The following PVT1 variants were observed in gnomAD, a reference collection of about 807,000 sequenced individuals.
PVT1 encodes the protein CXCR4/PVT1 fusion.
intron 2 of PVT1, among the ~76,000 whole-genome samples, chr8:127,807,418 C>G (rs1351734322): frequency 6.6e-6 from 1 of 152,190 alleles, no homozygotes; most frequent in Non-Finnish European, 1.5e-5. Context: ...ACTGCAGCCT[C>G]TACTTTCCAG....
chr8:127,860,589 C>T (rs1358047961), intron 2 of PVT1, among the ~76,000 whole-genome samples: 1 of 151,792 alleles, frequency 6.6e-6, no homozygotes, highest in Non-Finnish European at 1.5e-5. Context: ...ATGGTGAAAC[C>T]CCGTCTCTAC....
At chr8:127,929,716 C>T (rs1008787555) in intron 3 of PVT1, among the ~76,000 whole-genome samples, 9 of 151,558 alleles carry the variant, frequency 5.9e-5, no homozygotes, top group African/African-American at 9.7e-5. Context: ...TGCAGTGAGC[C>T]GAGATCGCAC....
intron 4 of PVT1, among the ~76,000 whole-genome samples, chr8:128,067,157 T>C (rs1054459647): frequency 6.6e-6 from 1 of 152,216 alleles, no homozygotes; most frequent in Non-Finnish European, 1.5e-5. Context: ...CATTGCTGCA[T>C]GGTTATCTAA....
At chr8:127,909,330 C>G (rs1032207767) in intron 3 of PVT1, among the ~76,000 whole-genome samples, 4 of 152,148 alleles carry the variant, frequency 2.6e-5, no homozygotes, top group African/African-American at 9.7e-5. Flanking sequence ...CTCTCTCTCC[C>G]CAAATCAGGT....
chr8:127,959,557 C>T (rs1428766465), intron 3 of PVT1, among the ~76,000 whole-genome samples: 1 of 147,434 alleles, frequency 6.8e-6, no homozygotes, highest in Admixed American at 6.9e-5. Flanking sequence ...TCTACTCCAG[C>T]CTGGCAACAG....
chr8:128,078,913 G>A (rs562769361), intron 5 of PVT1, among the ~76,000 whole-genome samples: 126 of 151,958 alleles, frequency 8.3e-4, no homozygotes, highest in African/African-American at 2.8e-3. Context: ...AGCACCCCCC[G>A]AGTAGCTGGG....
At chr8:127,906,008 G>T (rs1361724937) in intron 3 of PVT1, among the ~76,000 whole-genome samples, 1 of 152,174 alleles carries the variant, frequency 6.6e-6, no homozygotes, top group Admixed American at 6.5e-5. Context: ...GATACATTTT[G>T]CACAAACCCC....
At position 127,938,061 on chromosome 8, in the gene PVT1, G is replaced by T. The variant is rs1816300854; in HGVS notation, n.782+47063G>T. On this transcript the variant is annotated intron_variant and non_coding_transcript_variant, in intron 3 of 10. Transcript: ENST00000651587. ...AGCGGAAGCCAGCTGGGAATCACTG[G>T]CCTTGTAACCTCTTCAGGCGACCTC... is the stretch of plus-strand genomic sequence containing the variant. 2.6e-5 allele frequency among the ~76,000 whole-genome samples: 4 copies of T among 152,088 alleles called. No homozygotes were observed. In the South Asian group the frequency reaches 8.3e-4, roughly 32 times the overall value.
chr8:127,883,125 G>A (rs1815488256), intron 2 of PVT1, among the ~76,000 whole-genome samples: 1 of 151,872 alleles, frequency 6.6e-6, no homozygotes, highest in Non-Finnish European at 1.5e-5. Context: ...GACAGAGAGA[G>A]AGAGAGGAAG....
At chr8:127,905,962 G>C (rs879539914) in intron 3 of PVT1, among the ~76,000 whole-genome samples, 2 of 152,198 alleles carry the variant, frequency 1.3e-5, no homozygotes, top group East Asian at 1.9e-4. Flanking sequence ...GGCTATACTA[G>C]TTGCTCTGTG....
chr8:127,896,725 C>T (rs1014739292), intron 3 of PVT1, among the ~76,000 whole-genome samples: 16 of 151,682 alleles, frequency 1.1e-4, no homozygotes, highest in Non-Finnish European at 1.6e-4. Flanking sequence ...ACCCCATCAC[C>T]TAGATATTAA....
intron 3 of PVT1, among the ~76,000 whole-genome samples, chr8:127,949,399 G>GTGTGTGTGTGTA (rs1816467969): frequency 6.6e-6 from 1 of 151,092 alleles, no homozygotes; most frequent in South Asian, 2.1e-4. Context: ...GTGTGTGTGT[G>GTGTGTGTGTGTA]TGTGTGTGTG....
chr8:128,053,310 G>T lies in PVT1; in HGVS notation n.913-16850G>T, dbSNP rs1054632068. ...TAATGGTGGAAAAAATGAGAGTATA[G>T]ATTATAGTGGGTGCTCAGACAGTGT... is the stretch of plus-strand genomic sequence containing the variant. On this transcript the variant is annotated intron_variant and non_coding_transcript_variant, in intron 4 of 10. Coordinates refer to ENST00000651587, the Ensembl canonical transcript of PVT1. 3.3e-5 allele frequency among the ~76,000 whole-genome samples: 5 copies of T among 151,814 alleles called. No homozygotes were observed. In the East Asian group the frequency reaches 5.8e-4, roughly 18 times the overall value.
rs551089314 is a variant in PVT1 at position 127,821,871 on chromosome 8, G to A, written n.372+25800G>A. Among the ~76,000 whole-genome samples, 189 of 152,224 alleles carry A rather than the reference G, an allele frequency of 1.2e-3. 1 individual carries two copies. Among genetic ancestry groups the A allele is most frequent in the African/African-American group, 4.4e-3 (182 of 41,530 alleles). The stretch of plus-strand genomic sequence containing the variant: ...GTAGTTTGCATTATATTTCCACTGG[G>A]CAGTGCTATGCTAAACTGTGACACA... On this transcript the variant is annotated intron_variant and non_coding_transcript_variant, in intron 2 of 10. Coordinates refer to ENST00000651587, the Ensembl canonical transcript of PVT1.
chr8:127,806,369 G>A (rs1814527096), intron 2 of PVT1, among the ~76,000 whole-genome samples: 1 of 152,072 alleles, frequency 6.6e-6, no homozygotes, highest in Admixed American at 6.6e-5. Flanking sequence ...GCTGAGGCAG[G>A]AGAATCGCTT....
chr8:128,099,214 G>A (rs996520850), intron 6 of PVT1, among the ~76,000 whole-genome samples: 2 of 152,222 alleles, frequency 1.3e-5, no homozygotes, highest in African/African-American at 4.8e-5. Context: ...ATCCCTAGCC[G>A]ATATGGAATT....
chr8:127,804,999 C>T (rs968457179), intron 2 of PVT1, among the ~76,000 whole-genome samples: 8 of 147,792 alleles, frequency 5.4e-5, no homozygotes, highest in South Asian at 2.1e-4. Context: ...GGCGCGATCT[C>T]GGCTCACTGC....
chr8:128,088,336 A>C (rs1292599491), intron 5 of PVT1, among the ~76,000 whole-genome samples: 2 of 152,142 alleles, frequency 1.3e-5, no homozygotes, highest in Non-Finnish European at 2.9e-5. Flanking sequence ...CAGACTTGCC[A>C]GTGAAAGACA....
At chr8:127,914,405 G>A (rs757985292) in intron 3 of PVT1, among the ~76,000 whole-genome samples, 7 of 151,714 alleles carry the variant, frequency 4.6e-5, no homozygotes, top group Non-Finnish European at 8.8e-5. Context: ...ACAGTTTGGT[G>A]GTTCCTCAAA....
Sources: allele counts gnomAD v4.1 joint callset (sites outside exome capture counted in the v4.1 genomes callset), GRCh38; gene constraint gnomAD v4.1.1; transcripts MANE v1.5; gene names NCBI Gene and HGNC (gene_info 2026-07-23, HGNC 2026-07-21).